DAB1: variants seen among roughly 807,000 people sequenced by gnomAD.
DAB1 encodes the protein DAB adaptor protein 1, also known as disabled homolog 1.
DAB1 carries 15 observed loss-of-function variants against 64.6 expected under a neutral mutation model. The ratio of observed to expected loss-of-function variants is 0.23; its 90% confidence interval spans 0.16 to 0.36. DAB1 has a LOEUF of 0.36. Among genes scored for constraint, DAB1 ranks in the 10% least tolerant of loss-of-function variants. The pLI is 1.00. For missense variants in DAB1, 596 were observed against 706.7 expected (o/e 0.84, Z 1.78); for synonymous variants, 235 against 251.9 (o/e 0.93, Z 0.64).
intron 5 of DAB1, among the ~76,000 whole-genome samples, chr1:58,068,319 G>A (rs1042487265): frequency 5.3e-5 from 8 of 152,200 alleles, no homozygotes; most frequent in Non-Finnish European, 1.0e-4. Context: ...TGAATTCCAC[G>A]CAGTAGTGTT....
intron 1 of DAB1, among the ~76,000 whole-genome samples, chr1:57,350,742 CAA>C (rs139819618): frequency 6.7e-6 from 1 of 148,650 alleles, no homozygotes; most frequent in African/African-American, 2.5e-5. Flanking sequence ...CAAGTGTCTT[CAA>C]AAAAAAAATA....
chr1:58,157,442 T>C (rs1021390644), intron 4 of DAB1, among the ~76,000 whole-genome samples: 1 of 152,166 alleles, frequency 6.6e-6, no homozygotes, highest in Non-Finnish European at 1.5e-5. Flanking sequence ...GAAATGGTAA[T>C]TGACAGCAGG....
intron 4 of DAB1, among the ~76,000 whole-genome samples, chr1:58,210,780 A>G (rs1166039553): frequency 2.0e-5 from 3 of 152,116 alleles, no homozygotes; most frequent in African/African-American, 7.2e-5. Flanking sequence ...CCTGTAAGAG[A>G]GCTCACATGA....
intron 2 of DAB1, among the ~76,000 whole-genome samples, chr1:57,162,968 G>A (rs1039193499): frequency 2.6e-5 from 4 of 152,308 alleles, no homozygotes; most frequent in African/African-American, 4.8e-5. Context: ...GTCCCCACCC[G>A]ACAGTTGTTC....
chr1:57,721,584 G>C (rs1482392999), intron 6 of DAB1, among the ~76,000 whole-genome samples: 1 of 152,238 alleles, frequency 6.6e-6, no homozygotes, highest in East Asian at 1.9e-4. Context: ...CACACCAGTA[G>C]TAAGTAACAG....
chr1:58,418,878 G>A lies in DAB1; in HGVS notation n.258-75475C>T, dbSNP rs533728655. ...GCCTGTTCCACCATCTATCAAAAAG[G>A]GACAATTGCCCCCAGTCTTTTTACC... On this transcript the variant is annotated intron_variant and non_coding_transcript_variant, in intron 3 of 20. Transcript: ENST00000485760. Among the ~76,000 whole-genome samples the A allele has an allele frequency of 9.2e-5, 14 of 152,222 alleles. No homozygotes were observed. In the South Asian group the frequency reaches 2.9e-3, roughly 32 times the overall value.
intron 3 of DAB1, among the ~76,000 whole-genome samples, chr1:58,394,330 T>G (rs907108208): frequency 1.9e-4 from 29 of 152,196 alleles, no homozygotes; most frequent in African/African-American, 7.0e-4. Context: ...AAAGATACAC[T>G]TACCATATAA....
intron 2 of DAB1, among the ~76,000 whole-genome samples, chr1:57,270,142 C>T (rs2100586851): frequency 6.6e-6 from 1 of 152,310 alleles, no homozygotes; most frequent in South Asian, 2.1e-4. Context: ...CCCTCTTCCT[C>T]CTGCACGCCA....
intron 5 of DAB1, among the ~76,000 whole-genome samples, chr1:58,120,296 C>T (rs1162454520): frequency 6.6e-6 from 1 of 152,010 alleles, no homozygotes; most frequent in African/African-American, 2.4e-5. Flanking sequence ...CTGGAAGCAC[C>T]CATTGAGGAG....
rs551650301 is a variant in DAB1 at position 58,408,511 on chromosome 1, G to A, written n.258-65108C>T. Among the ~76,000 whole-genome samples the A allele has an allele frequency of 5.9e-5, 9 of 152,252 alleles. 1 individual carries two copies. Among genetic ancestry groups the A allele is most frequent in the African/African-American group, 1.4e-4 (6 of 41,540 alleles). ...TTCTCCAGTGTTCATTGATCTATCC[G>A]TAGTGTCCAGGGCAGTGTCTGTCAA... On this transcript the variant is annotated intron_variant and non_coding_transcript_variant, in intron 3 of 20. Transcript: ENST00000485760.
chr1:57,409,239 C>G (rs1683906086), intron 1 of DAB1, among the ~76,000 whole-genome samples: 1 of 152,200 alleles, frequency 6.6e-6, no homozygotes, highest in Non-Finnish European at 1.5e-5. Context: ...GGTTGGCTTC[C>G]TCCTACTGCT....
intron 7 of DAB1, among the ~76,000 whole-genome samples, chr1:57,571,356 T>C (rs1645192144): frequency 6.6e-6 from 1 of 152,172 alleles, no homozygotes. Context: ...TCCCTGCCTT[T>C]AGTGTCATCC....
At chr1:58,034,291 C>T (rs911762542) in intron 5 of DAB1, among the ~76,000 whole-genome samples, 8 of 152,204 alleles carry the variant, frequency 5.3e-5, no homozygotes, top group South Asian at 4.1e-4. Flanking sequence ...ACCGAGCCCT[C>T]AGTCCAAATG....
rs76489786 is a variant in DAB1, at chr1:58,192,927, C to T, written n.310-42339G>A. Among the ~76,000 whole-genome samples, 7 of 152,228 alleles carry T rather than the reference C, an allele frequency of 4.6e-5. No individual in the cohort carries two copies. In the South Asian group the frequency reaches 1.5e-3, roughly 32 times the overall value. On this transcript the variant is annotated intron_variant and non_coding_transcript_variant, in intron 4 of 20. Coordinates refer to the DAB1 transcript ENST00000485760. ...GGATGGAGGGTGGTAATGAACAAAA[C>T]AATGTGAATGTACACTTAGAAATGA...
chr1:57,058,107 A>G (rs903680625), intron 9 of DAB1, among the ~76,000 whole-genome samples: 3 of 152,288 alleles, frequency 2.0e-5, no homozygotes, highest in African/African-American at 7.2e-5. Flanking sequence ...GCTTTGCCTG[A>G]TGCTGAGTTC....
intron 1 of DAB1, among the ~76,000 whole-genome samples, chr1:57,310,104 G>T (rs993440590): frequency 6.6e-6 from 1 of 152,196 alleles, no homozygotes; most frequent in Non-Finnish European, 1.5e-5. Context: ...TTCTAGTGAA[G>T]GTTGGTGGAC....
intron 3 of DAB1, among the ~76,000 whole-genome samples, chr1:58,429,142 A>G (rs765250593): frequency 1.3e-5 from 2 of 152,240 alleles, no homozygotes; most frequent in African/African-American, 2.4e-5. Flanking sequence ...GGCCAGGCAC[A>G]CATTTATAAT....
chr1:57,738,075 G>A (rs1326162381), intron 6 of DAB1, among the ~76,000 whole-genome samples: 1 of 152,196 alleles, frequency 6.6e-6, no homozygotes, highest in African/African-American at 2.4e-5. Context: ...AATAACTGAG[G>A]AGTCTGGGAA....
At chr1:57,412,007 G>C (rs1322858929) in intron 1 of DAB1, among the ~76,000 whole-genome samples, 3 of 152,152 alleles carry the variant, frequency 2.0e-5, no homozygotes, top group Non-Finnish European at 1.5e-5. Context: ...TGCTCACTTT[G>C]TGTCTCTGTC....
Sources: gnomAD v4.1 joint callset for allele counts (sites outside exome capture counted in the v4.1 genomes callset) on GRCh38, gnomAD v4.1.1 for gene constraint, MANE v1.5 for transcripts, NCBI Gene and HGNC (gene_info 2026-07-23, HGNC 2026-07-21) for gene names.